NKX2-2: variants seen among roughly 807,000 people sequenced by gnomAD.
NKX2-2 encodes homeobox protein Nkx-2.2.
NKX2-2 carries 8 observed loss-of-function variants against 24.6 expected under a neutral mutation model. The ratio of observed to expected loss-of-function variants is 0.32; its 90% CI spans 0.19 to 0.59. NKX2-2 has a LOEUF of 0.59. Among genes scored for constraint, NKX2-2 ranks in the 20% least tolerant of loss-of-function variants. The pLI is 0.86. For missense variants in NKX2-2, 381 were observed against 373.9 expected, an observed-to-expected ratio of 1.02 and a Z score of -0.16; for synonymous variants, 217 against 173.3, an observed-to-expected ratio of 1.25 and a Z score of -1.98.
At chr20:21,521,424 C>G in the NKX2-2 span, among the ~76,000 whole-genome samples, 1 of 151,964 alleles carries the variant, frequency 6.6e-6, no homozygotes, top group Non-Finnish European at 1.5e-5. Flanking sequence ...GCGCCGGGCG[C>G]GGCCCAGGCG....
Position 21,513,915 on chromosome 20 carries a change from A to T in NKX2-2, c.-246T>A, listed in dbSNP as rs1175964691. ...TCTGTCTTCTTTGAAAGCACGCGGA[A>T]ATGGACGCAGGAAGCCGGGCGGCCT... On this transcript the variant is annotated 5_prime_UTR_variant, in exon 1 of 2. Coordinates refer to ENST00000377142, the MANE Select transcript of NKX2-2 (RefSeq NM_002509.4). This position sits in a 1 kb window ranked among gnomAD's most constrained non-coding sequence, Gnocchi z 4.6. The T allele has an allele frequency of 1.4e-5, 4 of 288,958 alleles. No individual in the cohort carries two copies. The highest frequency in any genetic ancestry group is 8.7e-5 in the African/African-American group (4 of 45,816). The allele number at this position is 288,958 out of a possible 1,614,324, so 17.9% of individuals were successfully genotyped here. A position where few individuals can be genotyped will look rare whatever the true frequency, so the allele number is the denominator to read the frequency against.
chr20:21,521,680 C>T, the NKX2-2 span, among the ~76,000 whole-genome samples: 1 of 152,228 alleles, frequency 6.6e-6, no homozygotes, highest in Non-Finnish European at 1.5e-5. Context: ...CCCTGCGACG[C>T]ACAGGGGGCG....
Position 21,513,819 on chromosome 20 carries a change from T to C in NKX2-2, c.-150A>G. ...GAATTGGCTTTAATTATTGGGATAATTATTATTTTTAAAAAGAGAAAGAAA... is the reference window on the plus strand; with the variant it reads ...GAATTGGCTTTAATTATTGGGATAACTATTATTTTTAAAAAGAGAAAGAAA... On this transcript the variant is annotated 5_prime_UTR_variant, in exon 1 of 2. Coordinates refer to ENST00000377142, the MANE Select transcript of NKX2-2 (RefSeq NM_002509.4). This position sits in a 1 kb window ranked among gnomAD's most constrained non-coding sequence, Gnocchi z 4.6. The C allele has an allele frequency of 1.9e-6, 1 of 520,398 alleles. No individual in the cohort carries two copies. The highest frequency in any genetic ancestry group is 3.2e-6 in the Non-Finnish European group (1 of 317,210). The allele number at this position is 520,398 out of a possible 1,614,324, so 32.2% of individuals were successfully genotyped here.
chr20:21,518,162 G>A (rs957261916), upstream of NKX2-2, among the ~76,000 whole-genome samples: 13 of 152,120 alleles, frequency 8.5e-5, no homozygotes, highest in African/African-American at 3.1e-4. Flanking sequence ...AGTTGAGCTG[G>A]GTGCTGGAAG....
the NKX2-2 span, among the ~76,000 whole-genome samples, chr20:21,519,368 A>T: frequency 2.6e-5 from 4 of 151,970 alleles, no homozygotes; most frequent in Non-Finnish European, 1.5e-5. Context: ...GTCTTCATTC[A>T]CTCCGGAAAC....
Position 21,513,491 on chromosome 20 carries a change from G to T in NKX2-2, c.179C>A (p.Pro60His). The change falls in exon 1 of 2, where the codon CCC (proline) becomes CAC (histidine). Residue 60 changes from proline to histidine, a missense_variant. Physicochemically the swap from Pro to His is moderately conservative, Grantham distance 77 (BLOSUM62 -2). Transcript: ENST00000377142. The surrounding 1 kb of genome is among the most constrained non-coding windows in gnomAD (Gnocchi z 4.6). ...QGALDAVQSL[P>H]LKNPFYDSSD... The stretch of plus-strand genomic sequence containing the variant: ...GCTGTCGTAGAAGGGGTTCTTCAGG[G>T]GCAGGCTCTGCACCGCGTCCAGGGC... 1.2e-6 allele frequency: 2 copies of T among 1,611,808 alleles called. No homozygotes were observed. The highest frequency in any genetic ancestry group is 8.5e-7 in the Non-Finnish European group (1 of 1,179,018).
the NKX2-2 span, among the ~76,000 whole-genome samples, chr20:21,522,686 C>A: frequency 6.6e-6 from 1 of 151,488 alleles, no homozygotes; most frequent in South Asian, 2.1e-4. Flanking sequence ...TCGACGCGGC[C>A]GGCGAGCGCT....
chr20:21,519,411 A>T, the NKX2-2 span, among the ~76,000 whole-genome samples: 1 of 152,214 alleles, frequency 6.6e-6, no homozygotes, highest in South Asian at 2.1e-4. Context: ...TCCAGCAAGG[A>T]TTAACGGCGC....
In NKX2-2 at chr20:21,511,734, G is replaced by C; in HGVS notation, c.*189C>G. ...GAGGCATGGGCAGAGCTGGGTGGGT[G>C]GAATCTGCCACTCCAAGGAGACGCA... is the stretch of plus-strand genomic sequence containing the variant. On this transcript the variant is annotated 3_prime_UTR_variant, in exon 2 of 2. Coordinates refer to ENST00000377142, the MANE Select transcript of NKX2-2 (RefSeq NM_002509.4). 2.1e-6 allele frequency: 1 copy of C among 484,268 alleles called. No homozygotes were observed. Among genetic ancestry groups the C allele is most frequent in the Non-Finnish European group, 3.6e-6 (1 of 278,714 alleles). 30.0% of individuals were successfully genotyped at this position (484,268 alleles called of 1,614,324 possible). A position where few individuals can be genotyped will look rare whatever the true frequency, so the allele number is the denominator to read the frequency against.
chr20:21,521,346 C>G, the NKX2-2 span, among the ~76,000 whole-genome samples: 2 of 152,064 alleles, frequency 1.3e-5, no homozygotes, highest in African/African-American at 4.8e-5. Flanking sequence ...CCCTCGGAGA[C>G]AAGGACCCCA....
At chr20:21,522,019 A>G in the NKX2-2 span, among the ~76,000 whole-genome samples, 1 of 151,808 alleles carries the variant, frequency 6.6e-6, no homozygotes, top group Admixed American at 6.5e-5. Context: ...GCACCTTCCC[A>G]GCCCCTGGGA....
At position 21,513,982 on chromosome 20, in the gene NKX2-2, C is replaced by A. The variant is rs984690445; in HGVS notation, c.-313G>T. On this transcript the variant is annotated 5_prime_UTR_variant, in exon 1 of 2. Transcript: ENST00000377142. The surrounding 1 kb of genome is among the most constrained non-coding windows in gnomAD (Gnocchi z 4.6). ...GGGCCCCGGCCTTAGTTTCTAACTC[C>A]AGGAGGGGTGCCAAGGCGGCGTCAG... The A allele has an allele frequency of 2.6e-5, 5 of 193,572 alleles. No homozygotes were observed. The Admixed American group carries it at 3.1e-4, about 12-fold the overall frequency. 12.0% of individuals were successfully genotyped at this position (193,572 alleles called of 1,614,324 possible).
chr20:21,513,651 T>G lies in NKX2-2; in HGVS notation c.19A>C (p.Lys7Gln). 1 of 1,584,524 alleles carries G rather than the reference T, an allele frequency of 6.3e-7. No individual in the cohort carries two copies. The highest frequency in any genetic ancestry group is 8.6e-7 in the Non-Finnish European group (1 of 1,168,300). Residue 7 changes from lysine to glutamine, a missense_variant, in exon 1 of 2, where the codon AAG becomes CAG. Physicochemically the swap from Lys to Gln is moderately conservative, Grantham distance 53. Around this residue, in one of 3 missense-constraint regions of NKX2-2, gnomAD observed 206 missense variants for 173.1 expected, o/e 1.19. Transcript: ENST00000377142. This position sits in a 1 kb window ranked among gnomAD's most constrained non-coding sequence, Gnocchi z 4.6. MSLTNT[K>Q]TGFSVKDILD... ...ATGTCCTTGACCGAAAACCCCGTCT[T>G]TGTGTTGGTCAGCGACATGGTTCGA...
the NKX2-2 span, among the ~76,000 whole-genome samples, chr20:21,519,128 G>A: frequency 2.0e-5 from 3 of 152,190 alleles, no homozygotes; most frequent in Admixed American, 1.3e-4. Context: ...CCACAAAAGC[G>A]CTTCCAATCA....
At chr20:21,515,599 G>T (rs934656274), upstream of NKX2-2, among the ~76,000 whole-genome samples, 5 of 146,692 alleles carry the variant, frequency 3.4e-5, no homozygotes, top group Admixed American at 2.0e-4. Context: ...AACTTTTTTG[G>T]GGGGGGGGTG....
the NKX2-2 span, among the ~76,000 whole-genome samples, chr20:21,521,121 C>G: frequency 5.9e-5 from 9 of 151,828 alleles, no homozygotes; most frequent in Admixed American, 6.5e-5. Flanking sequence ...AGGGAATGCA[C>G]CCTTGGGCCC....
At chr20:21,512,659 G>C (rs1391465685) in intron 1 of NKX2-2, among the ~76,000 whole-genome samples, 174 bp from the exon 2 acceptor site, 1 of 152,160 alleles carries the variant, frequency 6.6e-6, no homozygotes, top group Admixed American at 6.5e-5. Context: ...GAAGACGTCG[G>C]GACCTCCCAG....
chr20:21,512,698 G>T (rs1250388144), intron 1 of NKX2-2, among the ~76,000 whole-genome samples: 1 of 152,184 alleles, frequency 6.6e-6, no homozygotes, highest in Admixed American at 6.5e-5. Context: ...TAGGAGTGGG[G>T]GCTAGGGGCT....
Position 21,511,765 on chromosome 20 carries a change from C to A in NKX2-2, c.*158G>T. On this transcript the variant is annotated 3_prime_UTR_variant, in exon 2 of 2. Transcript: ENST00000377142. Reference sequence around the variant, plus strand: ...TGCCACTCCAAGGAGACGCAGGCAACCTCCCGGCGCCTCCCTAGTGGAGCC... The same window carrying A: ...TGCCACTCCAAGGAGACGCAGGCAAACTCCCGGCGCCTCCCTAGTGGAGCC... The A allele has an allele frequency of 5.5e-6, 3 of 545,604 alleles. 1 individual carries two copies. Among genetic ancestry groups the A allele is most frequent in the Middle Eastern group, 9.9e-4 (2 of 2,020 alleles). 33.8% of individuals were successfully genotyped at this position (545,604 alleles called of 1,614,324 possible). A position where few individuals can be genotyped will look rare whatever the true frequency, so the allele number is the denominator to read the frequency against.
Sources: allele counts gnomAD v4.1 joint callset (sites outside exome capture counted in the v4.1 genomes callset), GRCh38; gene constraint gnomAD v4.1.1; regional missense constraint gnomAD v4.1.1; non-coding constraint Gnocchi (gnomAD v3.1); transcripts MANE v1.5; gene names NCBI Gene and HGNC (gene_info 2026-07-23, HGNC 2026-07-21).